Variants in CMIP observed in about 807,000 individuals in gnomAD.
CMIP encodes the protein c-Maf inducing protein.
In CMIP, 13 loss-of-function variants were observed where a neutral mutation model predicts 97.3. The ratio of observed to expected loss-of-function variants is 0.13; its 90% confidence interval spans 0.09 to 0.21. The LOEUF (loss-of-function observed/expected upper bound fraction) is 0.21, where lower values mean the gene tolerates loss of function less well. Ranked by LOEUF, CMIP falls within the 10% of genes least tolerant of loss-of-function variation. The probability of loss-of-function intolerance (pLI) is 1.00; values close to 1 mark genes in which losing one functional copy is unlikely to be tolerated. For missense variants in CMIP, 847 were observed against 1,024.9 expected (o/e 0.83, Z 2.37); for synonymous variants, 538 against 436.3 (o/e 1.23, Z -2.91).
intron 1 of CMIP, among the ~76,000 whole-genome samples, chr16:81,458,605 G>A (rs575274876): frequency 7.9e-5 from 12 of 152,286 alleles, no homozygotes; most frequent in African/African-American, 2.9e-4. Context: ...TTTGAAACCC[G>A]CACACTGTTT....
intron 1 of CMIP, among the ~76,000 whole-genome samples, chr16:81,544,553 C>G (rs1037430475): frequency 7.9e-5 from 12 of 151,916 alleles, no homozygotes; most frequent in Non-Finnish European, 1.0e-4. Context: ...ATTGCTATAT[C>G]TTGGAGCCTA....
intron 5 of CMIP, 36 bp from the exon 6 acceptor site, chr16:81,660,848 C>A: frequency 6.2e-7 from 1 of 1,612,264 alleles, no homozygotes; most frequent in East Asian, 2.2e-5. Context: ...TGGCTATCTA[C>A]CCCACGGTTC....
intron 10 of CMIP, among the ~76,000 whole-genome samples, chr16:81,681,202 G>C (rs901174610): frequency 1.3e-5 from 2 of 152,210 alleles, no homozygotes; most frequent in African/African-American, 2.4e-5. Flanking sequence ...TCTTCGGGGA[G>C]CTCAACACAA....
intron 1 of CMIP, among the ~76,000 whole-genome samples, chr16:81,486,901 C>A (rs1157895603): frequency 6.6e-6 from 1 of 152,270 alleles, no homozygotes; most frequent in Non-Finnish European, 1.5e-5. Flanking sequence ...GCTCTGACCT[C>A]AGGCATCGCA....
chr16:81,450,840 G>A (rs1906161656), intron 1 of CMIP, among the ~76,000 whole-genome samples: 1 of 152,194 alleles, frequency 6.6e-6, no homozygotes, highest in South Asian at 2.1e-4. Flanking sequence ...GAAAAATGAA[G>A]CTTCCCTTAC....
In CMIP at chr16:81,674,649, A is replaced by G. The variant is rs541552187; in HGVS notation, c.1034+2579A>G. ...CGCCCAGGCTGGAGTGCAGTGGCAC[A>G]ATCTTGGCTCACTACAGCCTCCACC... On this transcript the variant is annotated intron_variant, in intron 9 of 20. Transcript: ENST00000537098. Among the ~76,000 whole-genome samples the G allele has an allele frequency of 7.9e-5, 12 of 151,980 alleles. No individual in the cohort carries two copies. In the East Asian group the frequency reaches 2.1e-3, roughly 27 times the overall value.
intron 3 of CMIP, among the ~76,000 whole-genome samples, chr16:81,646,124 ATGGG>A (rs1567631284): frequency 1.4e-5 from 2 of 143,590 alleles, no homozygotes; most frequent in African/African-American, 5.0e-5. Flanking sequence ...TGAAGGATGG[ATGGG>A]TGGGTGGGTG....
chr16:81,474,501 C>G (rs1046110633), intron 1 of CMIP, among the ~76,000 whole-genome samples: 2 of 152,180 alleles, frequency 1.3e-5, no homozygotes, highest in East Asian at 1.9e-4. Flanking sequence ...GGTGGCTTCT[C>G]CCTACCTTCA....
intron 3 of CMIP, among the ~76,000 whole-genome samples, chr16:81,637,584 C>A (rs917698366): frequency 6.6e-6 from 1 of 152,116 alleles, no homozygotes; most frequent in Non-Finnish European, 1.5e-5. Flanking sequence ...TCATAAGAAG[C>A]GGAAAAGAAA....
At chr16:81,447,292 G>A (rs1005601443) in intron 1 of CMIP, among the ~76,000 whole-genome samples, 14 of 151,656 alleles carry the variant, frequency 9.2e-5, no homozygotes, top group Non-Finnish European at 1.6e-4. Context: ...TGGTGGTGGG[G>A]TAGGAAAATG....
intron 10 of CMIP, among the ~76,000 whole-genome samples, chr16:81,689,170 C>T (rs1905767470): frequency 1.3e-5 from 2 of 152,208 alleles, no homozygotes; most frequent in Admixed American, 6.5e-5. Flanking sequence ...TGGGTATATA[C>T]CCAGTAATGG....
At chr16:81,502,798 C>T (rs777854859) in intron 1 of CMIP, among the ~76,000 whole-genome samples, 1 of 152,166 alleles carries the variant, frequency 6.6e-6, no homozygotes, top group Non-Finnish European at 1.5e-5. Flanking sequence ...AAAAAAGAAG[C>T]AAGAAAAAGC....
At chr16:81,547,310 C>T (rs1279710572) in intron 1 of CMIP, among the ~76,000 whole-genome samples, 2 of 152,188 alleles carry the variant, frequency 1.3e-5, no homozygotes, top group African/African-American at 2.4e-5. Flanking sequence ...GTGTGTGCAG[C>T]GAGGGTGACT....
chr16:81,587,797 C>G (rs773855398), intron 1 of CMIP, among the ~76,000 whole-genome samples: 1 of 152,218 alleles, frequency 6.6e-6, no homozygotes, highest in Admixed American at 6.5e-5. Flanking sequence ...CGTTGATCCC[C>G]TCCTGAGGGT....
At chr16:81,638,606 C>A (rs543193460) in intron 3 of CMIP, among the ~76,000 whole-genome samples, 3 of 152,106 alleles carry the variant, frequency 2.0e-5, no homozygotes, top group Non-Finnish European at 2.9e-5. Context: ...TCCTCTCCCC[C>A]CTCTCCCTTC....
chr16:81,591,596 T>C (rs1219313021), intron 1 of CMIP, among the ~76,000 whole-genome samples: 1 of 152,124 alleles, frequency 6.6e-6, no homozygotes, highest in African/African-American at 2.4e-5. Flanking sequence ...GCTGTGTGAT[T>C]GCATTTATAA....
At chr16:81,585,423 C>T (rs1426354063) in intron 1 of CMIP, among the ~76,000 whole-genome samples, 1 of 152,148 alleles carries the variant, frequency 6.6e-6, no homozygotes, top group Admixed American at 6.5e-5. Context: ...TATCTAGTTC[C>T]ACAATATTCT....
intron 1 of CMIP, among the ~76,000 whole-genome samples, chr16:81,501,083 C>T (rs1284796898): frequency 6.6e-6 from 1 of 152,222 alleles, no homozygotes; most frequent in African/African-American, 2.4e-5. Flanking sequence ...TGCTCAAGTG[C>T]CGGAGCTTTC....
intron 1 of CMIP, among the ~76,000 whole-genome samples, chr16:81,529,565 A>T (rs2090193815): frequency 6.6e-6 from 1 of 152,146 alleles, no homozygotes; most frequent in Non-Finnish European, 1.5e-5. Flanking sequence ...TGCCTGCAGG[A>T]TGAAGAGGAT....
Sources: gnomAD v4.1 joint callset for allele counts (sites outside exome capture counted in the v4.1 genomes callset) on GRCh38, gnomAD v4.1.1 for gene constraint, MANE v1.5 for transcripts, NCBI Gene and HGNC (gene_info 2026-07-23, HGNC 2026-07-21) for gene names.